LIMS1: variants seen among roughly 807,000 people sequenced by gnomAD.
LIMS1 encodes LIM and senescent cell antigen-like-containing domain protein 1.
A neutral mutation model predicts 44.1 loss-of-function variants in LIMS1; 18 were observed. The ratio of observed to expected loss-of-function variants is 0.41; its 90% CI spans 0.28 to 0.61. The LOEUF (loss-of-function observed/expected upper bound fraction) is 0.61, where lower values mean the gene tolerates loss of function less well. Ranked by LOEUF, LIMS1 falls within the 20% of genes least tolerant of loss-of-function variation. LIMS1 has a pLI of 0.32. For synonymous variants in LIMS1, 93 were observed against 149.1 expected, an observed-to-expected ratio of 0.62 and a Z score of 2.74; for missense variants, 201 against 422.0, an observed-to-expected ratio of 0.48 and a Z score of 4.59.
At chr2:108,536,267 G>C (rs1267667508) in intron 1 of LIMS1, among the ~76,000 whole-genome samples, 1 of 152,142 alleles carries the variant, frequency 6.6e-6, no homozygotes, top group Non-Finnish European at 1.5e-5. Context: ...TACATGTCCA[G>C]AAATCTTTAT....
intron 1 of LIMS1, among the ~76,000 whole-genome samples, chr2:108,652,282 AG>A (rs2148948578): frequency 6.6e-6 from 1 of 152,416 alleles, no homozygotes; most frequent in East Asian, 1.9e-4. Context: ...ACAAATTGGA[AG>A]GAAAGTACTT....
chr2:108,593,005 C>G (rs745404846), intron 1 of LIMS1, among the ~76,000 whole-genome samples: 2 of 152,068 alleles, frequency 1.3e-5, no homozygotes, highest in Non-Finnish European at 2.9e-5. Context: ...GTACACATAC[C>G]TGTTTGCATC....
At chr2:108,545,354 C>T (rs1684449797) in intron 1 of LIMS1, among the ~76,000 whole-genome samples, 1 of 152,230 alleles carries the variant, frequency 6.6e-6, no homozygotes, top group African/African-American at 2.4e-5. Context: ...CTGCTTCAGC[C>T]TCCCAAGTAG....
At chr2:108,663,935 T>G (rs928756312) in intron 2 of LIMS1, among the ~76,000 whole-genome samples, 14 of 151,706 alleles carry the variant, frequency 9.2e-5, no homozygotes, top group Non-Finnish European at 1.5e-4. Context: ...TGCATTTTTA[T>G]TAGAGACGGG....
chr2:108,566,602 AT>A (rs1005401232), intron 1 of LIMS1, among the ~76,000 whole-genome samples: 39 of 146,482 alleles, frequency 2.7e-4, no homozygotes, highest in East Asian at 9.9e-4. Context: ...CATCTTAAAC[AT>A]TTTTTTTTTT....
chr2:108,569,764 C>CTTTTTTTTTTTTTTTTTT (rs10596766), intron 1 of LIMS1, among the ~76,000 whole-genome samples: 5 of 113,128 alleles, frequency 4.4e-5, no homozygotes, highest in South Asian at 6.5e-4. Flanking sequence ...CCATATCTGG[C>CTTTTTTTTTTTTTTTTTT]TTTTTTTTTT....
chr2:108,669,487 G>C (rs1692017033), intron 2 of LIMS1, among the ~76,000 whole-genome samples: 1 of 152,126 alleles, frequency 6.6e-6, no homozygotes, highest in Non-Finnish European at 1.5e-5. Context: ...CAGTTAAGCT[G>C]TGGTAGATAT....
chr2:108,552,155 T>A (rs1009631115), intron 1 of LIMS1, among the ~76,000 whole-genome samples: 2 of 145,268 alleles, frequency 1.4e-5, no homozygotes, highest in Non-Finnish European at 3.0e-5. Context: ...TAATTATAGT[T>A]AAATATATAA....
intron 1 of LIMS1, among the ~76,000 whole-genome samples, chr2:108,612,007 C>CATATATTATATATACACAT (rs1553459840): frequency 1.0e-4 from 6 of 57,322 alleles, no homozygotes; most frequent in Non-Finnish European, 2.0e-4. Context: ...TATATACACA[C>CATATATTATATATACACAT]ATATATATAT....
chr2:108,663,554 T>C (rs2433812), intron 2 of LIMS1, among the ~76,000 whole-genome samples: 2 of 152,144 alleles, frequency 1.3e-5, no homozygotes, highest in African/African-American at 4.8e-5. Flanking sequence ...CCAGGAAGTA[T>C]TGCAGAGTGG....
At chr2:108,597,121 CTGATCTCGAA>C (rs1314492085) in intron 1 of LIMS1, among the ~76,000 whole-genome samples, 1 of 151,718 alleles carries the variant, frequency 6.6e-6, no homozygotes, top group Non-Finnish European at 1.5e-5. Context: ...GTTGGCCAGG[CTGATCTCGAA>C]CTCCTGACCT....
intron 1 of LIMS1, among the ~76,000 whole-genome samples, chr2:108,618,390 C>T (rs1688042625): frequency 6.6e-6 from 1 of 152,148 alleles, no homozygotes; most frequent in Non-Finnish European, 1.5e-5. Context: ...GATGGGGACT[C>T]CTCCCTGTCT....
chr2:108,579,750 G>C (rs964217711), intron 1 of LIMS1, among the ~76,000 whole-genome samples: 3 of 152,236 alleles, frequency 2.0e-5, no homozygotes, highest in Non-Finnish European at 4.4e-5. Context: ...CTGTGAACAG[G>C]AATCATCACT....
At position 108,625,096 on chromosome 2, in the gene LIMS1, A is replaced by G. The variant is rs556839404; in HGVS notation, c.33-34509A>G. ...TCTCTCAAACAAACAAACAAAAAAT[A>G]TATATAGGGGCAGGTGAACTTATGA... On this transcript the variant is annotated intron_variant, in intron 1 of 9. Transcript: ENST00000544547. Among the ~76,000 whole-genome samples the G allele has an allele frequency of 5.3e-5, 8 of 152,332 alleles. No homozygotes were observed. In the South Asian group the frequency reaches 1.5e-3, roughly 28 times the overall value.
At chr2:108,571,821 T>C (rs1685489594) in intron 1 of LIMS1, among the ~76,000 whole-genome samples, 1 of 152,194 alleles carries the variant, frequency 6.6e-6, no homozygotes, top group Non-Finnish European at 1.5e-5. Context: ...CTTAATGCTA[T>C]TGAGGAAAAC....
At chr2:108,590,944 A>G (rs1686352588) in intron 1 of LIMS1, among the ~76,000 whole-genome samples, 2 of 152,208 alleles carry the variant, frequency 1.3e-5, no homozygotes, top group African/African-American at 2.4e-5. Context: ...TCAGTAAATA[A>G]ATGTTGAATG....
intron 2 of LIMS1, among the ~76,000 whole-genome samples, chr2:108,663,077 G>T (rs1424632284): frequency 2.0e-5 from 3 of 152,178 alleles, no homozygotes; most frequent in Non-Finnish European, 4.4e-5. Flanking sequence ...GAAGAAATGA[G>T]CACCAGTATT....
chr2:108,664,045 T>C (rs62151369), intron 2 of LIMS1, among the ~76,000 whole-genome samples: 54,913 of 151,916 alleles, frequency 0.36, 11,794 homozygotes, highest in East Asian at 0.88. Context: ...TGAGCCACTA[T>C]GCCTGGCCAG....
intron 1 of LIMS1, among the ~76,000 whole-genome samples, chr2:108,622,069 T>G (rs974109719): frequency 1.3e-5 from 2 of 152,232 alleles, no homozygotes; most frequent in Non-Finnish European, 2.9e-5. Flanking sequence ...TTTCTTAGAT[T>G]TGAGGTTCTG....
Sources: allele counts gnomAD v4.1 joint callset (sites outside exome capture counted in the v4.1 genomes callset), GRCh38; gene constraint gnomAD v4.1.1; transcripts MANE v1.5; gene names NCBI Gene and HGNC (gene_info 2026-07-23, HGNC 2026-07-21).